Variants in OR2T35 observed in about 807,000 individuals in gnomAD.
OR2T35 encodes olfactory receptor 2T35.
For synonymous variants in OR2T35, 18 were observed against 110.2 expected, an observed-to-expected ratio of 0.16 and a Z score of 5.24; for missense variants, 47 against 278.8, an observed-to-expected ratio of 0.17 and a Z score of 5.92.
intron 1 of OR2T35, among the ~76,000 whole-genome samples, chr1:248,641,594 G>T (rs1255715169): frequency 1.2e-5 from 1 of 82,938 alleles, no homozygotes; most frequent in African/African-American, 3.0e-5. Context: ...TCAACCCCTA[G>T]ATCTTATCTT....
intron 1 of OR2T35, among the ~76,000 whole-genome samples, chr1:248,642,234 A>AG (rs1660796107): frequency 1.6e-5 from 1 of 61,146 alleles, no homozygotes; most frequent in African/African-American, 3.0e-5. Context: ...AAAAAAAAAA[A>AG]AGAAAAAGAA....
rs1276197909 is a variant in OR2T35, at chr1:248,642,944, CACCT to C, written c.-23+2299_-23+2302del. ...AAACACATTCCGTGTTCAAAACACT[CACCT>C]AGCACTGGGTGAGCTATGAAGATTG... On this transcript the variant is annotated intron_variant, in intron 1 of 1. Coordinates refer to ENST00000641268, the MANE Select transcript of OR2T35 (RefSeq NM_001001827.2). 7.3e-3 allele frequency among the ~76,000 whole-genome samples: 704 copies of C among 96,634 alleles called. 4 individuals are homozygous for C. The highest frequency in any genetic ancestry group is 0.027 in the African/African-American group (682 of 25,172). The allele number at this position is 96,634 out of a possible 152,430, so 63.4% of individuals were successfully genotyped here.
Position 248,639,485 on chromosome 1 carries a change from GTCA to G in OR2T35, c.-22-208_-22-206del, listed in dbSNP as rs545805524. ...AACTCAATTTCATCATCTGTGAAAG[GTCA>G]TCATAGTTCTGTACTCTACAGGCTG... On this transcript the variant is annotated intron_variant, in intron 1 of 1. Coordinates refer to ENST00000641268, the MANE Select transcript of OR2T35 (RefSeq NM_001001827.2). Among the ~76,000 whole-genome samples, 172 of 151,626 alleles carry G rather than the reference GTCA, an allele frequency of 1.1e-3. 1 individual carries two copies. Among genetic ancestry groups the G allele is most frequent in the African/African-American group, 4.1e-3 (171 of 41,406 alleles).
rs1316713312 is a variant in OR2T35 at position 248,638,188 on chromosome 1, T to C, written c.*99A>G. 5.1e-5 allele frequency: 46 copies of C among 908,740 alleles called. 6 individuals carry two copies. Among genetic ancestry groups the C allele is most frequent in the South Asian group, 1.7e-4 (12 of 72,128 alleles). 56.3% of individuals were successfully genotyped at this position (908,740 alleles called of 1,614,324 possible). On this transcript the variant is annotated 3_prime_UTR_variant, in exon 2 of 2. Transcript: ENST00000641268. Reference sequence around the variant, plus strand: ...CACCGCAGATGTTTGCACTAGTCCCTGCTAGTCCTTCCTGATCAGTCACCA... The same window carrying C: ...CACCGCAGATGTTTGCACTAGTCCCCGCTAGTCCTTCCTGATCAGTCACCA...
At chr1:248,644,988 C>T (rs1306658718) in intron 1 of OR2T35, among the ~76,000 whole-genome samples, 4 of 20,018 alleles carry the variant, frequency 2.0e-4, no homozygotes, top group African/African-American at 2.7e-4. Context: ...TACCACCCCC[C>T]TTTATCTGCC....
In OR2T35 at chr1:248,638,215, C is replaced by A. The variant is rs1273050585; in HGVS notation, c.*72G>T. On this transcript the variant is annotated 3_prime_UTR_variant, in exon 2 of 2. Transcript: ENST00000641268. The stretch of plus-strand genomic sequence containing the variant: ...CTAGTCCTTCCTGATCAGTCACCAC[C>A]CCTGATGCTCTGGGAGTCCCCGCTA... 4 of 848,102 alleles carry A rather than the reference C, an allele frequency of 4.7e-6. 1 individual carries two copies. The highest frequency in any genetic ancestry group is 7.2e-6 in the Non-Finnish European group (4 of 554,086). 52.5% of individuals were successfully genotyped at this position (848,102 alleles called of 1,614,324 possible).
At chr1:248,642,216 CAAAAAAAAAA>C (rs61189391) in intron 1 of OR2T35, among the ~76,000 whole-genome samples, 1,765 of 53,670 alleles carry the variant, frequency 0.033, 126 homozygotes, top group African/African-American at 0.065. Flanking sequence ...CTAGTCTTTC[CAAAAAAAAAA>C]AAAAAAAAAG....
rs1166934091 is a variant in OR2T35 at position 248,645,135 on chromosome 1, A to C, written c.-23+112T>G. On this transcript the variant is annotated intron_variant, in intron 1 of 1. Coordinates refer to ENST00000641268, the MANE Select transcript of OR2T35 (RefSeq NM_001001827.2). ...GTTTGCTTGGCTTAAAAAAAAAACA[A>C]AACAAAATCAGCACTATAATGGCAT... 2.9e-5 allele frequency: 4 copies of C among 135,996 alleles called. 1 individual carries two copies. The highest frequency in any genetic ancestry group is 1.1e-4 in the African/African-American group (4 of 37,664). The allele number at this position is 135,996 out of a possible 1,614,324, so 8.4% of individuals were successfully genotyped here.
rs1267405651 is a variant in OR2T35, at chr1:248,641,780, A to C, written c.-22-2500T>G. Among the ~76,000 whole-genome samples, 6 of 82,348 alleles carry C rather than the reference A, an allele frequency of 7.3e-5. 2 individuals carry two copies. The highest frequency in any genetic ancestry group is 2.1e-4 in the Non-Finnish European group (6 of 29,170). 54.0% of individuals were successfully genotyped at this position (82,348 alleles called of 152,430 possible). On this transcript the variant is annotated intron_variant, in intron 1 of 1. Coordinates refer to ENST00000641268, the MANE Select transcript of OR2T35 (RefSeq NM_001001827.2). ...TAGTGTGTTCATATGTGAGTGTGTG[A>C]GCATGGTATGTGTGGTGTGTGCATC... is the stretch of plus-strand genomic sequence containing the variant.
rs1660714592 is a variant in OR2T35, at chr1:248,636,902, TTA to T, written c.*1383_*1384del. On this transcript the variant is annotated 3_prime_UTR_variant, in exon 2 of 2. Transcript: ENST00000641268. Reference sequence around the variant, plus strand: ...TAAACACCAGGTCCGTCAATATTTTTTATGTCTCATATTTCAGGACCTTACAC... The same window carrying T: ...TAAACACCAGGTCCGTCAATATTTTTTGTCTCATATTTCAGGACCTTACAC... 1 of 27,702 alleles carries T rather than the reference TTA, an allele frequency of 3.6e-5. No homozygotes were observed. The highest frequency in any genetic ancestry group is 1.1e-4 in the Non-Finnish European group (1 of 9,418). 1.7% of individuals were successfully genotyped at this position (27,702 alleles called of 1,614,324 possible).
intron 1 of OR2T35, among the ~76,000 whole-genome samples, chr1:248,642,172 T>C (rs1487204346): frequency 2.5e-5 from 2 of 78,700 alleles, no homozygotes; most frequent in African/African-American, 6.3e-5. Context: ...ATCATCATTC[T>C]CCACTCTAAG....
chr1:248,642,224 A>G (rs1351555634), intron 1 of OR2T35, among the ~76,000 whole-genome samples: 160 of 58,274 alleles, frequency 2.7e-3, no homozygotes, highest in Middle Eastern at 0.025. Flanking sequence ...TCCAAAAAAA[A>G]AAAAAAAAAA....
rs1218227872 is a variant in OR2T35, at chr1:248,644,981, C to T, written c.-23+266G>A. On this transcript the variant is annotated intron_variant, in intron 1 of 1. Coordinates refer to ENST00000641268, the MANE Select transcript of OR2T35 (RefSeq NM_001001827.2). Reference sequence around the variant, plus strand: ...TCTAATTACATACTGCCTTAGTTACCACCCCCCTTTATCTGCCTATTTAAA... The same window carrying T: ...TCTAATTACATACTGCCTTAGTTACTACCCCCCTTTATCTGCCTATTTAAA... Among the ~76,000 whole-genome samples the T allele has an allele frequency of 3.8e-4, 11 of 29,112 alleles. 1 individual carries two copies. Among genetic ancestry groups the T allele is most frequent in the African/African-American group, 6.5e-4 (11 of 16,882 alleles). The allele number at this position is 29,112 out of a possible 152,430, so 19.1% of individuals were successfully genotyped here.
At chr1:248,645,183 C>CTTA (rs1325020864) in intron 1 of OR2T35, 64 bp downstream of exon 1, 36 of 132,242 alleles carry the variant, frequency 2.7e-4, no homozygotes, top group African/African-American at 9.2e-4. Flanking sequence ...TTATTGAACA[C>CTTA]TTACTATGCC....
At chr1:248,643,886 GT>G (rs1411240259) in intron 1 of OR2T35, among the ~76,000 whole-genome samples, 2 of 51,666 alleles carry the variant, frequency 3.9e-5, no homozygotes, top group Admixed American at 2.3e-4. Context: ...CACCTTTTTA[GT>G]TAAAGCAAGC....
At chr1:248,639,407 C>G in intron 1 of OR2T35, 127 bp from the exon 2 acceptor site, 1 of 630,896 alleles carries the variant, frequency 1.6e-6, no homozygotes, top group Non-Finnish European at 2.9e-6. Flanking sequence ...ATTTGAAATC[C>G]TGGGTTTCAG....
Position 248,642,088 on chromosome 1 carries a change from C to T in OR2T35, c.-22-2808G>A, listed in dbSNP as rs1198449331. ...TTAGAGTTGATGCTATTTAGCATTA[C>T]GACGTGTGGTTTGACTTATTCACAC... On this transcript the variant is annotated intron_variant, in intron 1 of 1. Transcript: ENST00000641268. Among the ~76,000 whole-genome samples the T allele has an allele frequency of 9.1e-4, 55 of 60,274 alleles. 1 individual carries two copies. Among genetic ancestry groups the T allele is most frequent in the African/African-American group, 2.1e-3 (50 of 24,272 alleles). The allele number at this position is 60,274 out of a possible 152,430, so 39.5% of individuals were successfully genotyped here.
At chr1:248,642,225 AAAAAAAAAAAG>A (rs201730874) in intron 1 of OR2T35, among the ~76,000 whole-genome samples, 8,648 of 71,080 alleles carry the variant, frequency 0.12, 765 homozygotes, top group East Asian at 0.37. Flanking sequence ...CCAAAAAAAA[AAAAAAAAAAAG>A]AAAAAGAAAA....
intron 1 of OR2T35, among the ~76,000 whole-genome samples, chr1:248,642,216 C>CAAAAAAAAAAAAAAAA (rs61189391): frequency 1.5e-4 from 8 of 53,650 alleles, no homozygotes; most frequent in Non-Finnish European, 2.4e-4. Context: ...CTAGTCTTTC[C>CAAAAAAAAAAAAAAAA]AAAAAAAAAA....
Sources: allele counts gnomAD v4.1 joint callset (sites outside exome capture counted in the v4.1 genomes callset), GRCh38; gene constraint gnomAD v4.1.1; transcripts MANE v1.5; gene names NCBI Gene and HGNC (gene_info 2026-07-23, HGNC 2026-07-21).